The following FAT3 variants were observed in gnomAD, a reference collection of about 807,000 sequenced individuals.
FAT3 encodes the protein protocadherin Fat 3.
FAT3 carries 95 observed loss-of-function variants against 310.2 expected under a neutral mutation model. The ratio of observed to expected loss-of-function variants is 0.31; its 90% CI spans 0.26 to 0.36. The LOEUF is 0.36. FAT3 is among the 10% of genes least tolerant of loss of function. FAT3 has a pLI of 1.00. For synonymous variants in FAT3, 2,314 were observed against 2,192.9 expected (o/e 1.06, Z -1.54); for missense variants, 5,408 against 5,715.6 (o/e 0.95, Z 1.74).
chr11:92,720,500 C>G (rs1944830817), intron 4 of FAT3, among the ~76,000 whole-genome samples: 1 of 152,188 alleles, frequency 6.6e-6, no homozygotes, highest in South Asian at 2.1e-4. Context: ...TTTTGCCATA[C>G]AGTTGGAGAT....
intron 1 of FAT3, among the ~76,000 whole-genome samples, chr11:92,346,618 G>A (rs963673085): frequency 1.3e-5 from 2 of 151,902 alleles, no homozygotes; most frequent in South Asian, 2.1e-4. Context: ...TAATATTCAC[G>A]GAATATTTAC....
At chr11:92,398,066 T>C (rs977736914) in intron 2 of FAT3, among the ~76,000 whole-genome samples, 1 of 152,070 alleles carries the variant, frequency 6.6e-6, no homozygotes, top group African/African-American at 2.4e-5. Flanking sequence ...CTCTGACTGT[T>C]CTAAGGGAGA....
chr11:92,763,729 C>T (rs1179684684), intron 5 of FAT3, among the ~76,000 whole-genome samples: 2 of 152,190 alleles, frequency 1.3e-5, no homozygotes, highest in East Asian at 3.9e-4. Context: ...GCCAGGACCA[C>T]ATCCTGGTTT....
rs188988360 is a variant in FAT3, at chr11:92,794,587, A to T, written c.4822+1610A>T. 3.5e-3 allele frequency among the ~76,000 whole-genome samples: 526 copies of T among 152,314 alleles called. 12 individuals carry two copies. Among genetic ancestry groups the T allele is most frequent in the Admixed American group, 0.032 (482 of 15,290 alleles). On this transcript the variant is annotated intron_variant, in intron 9 of 27. Coordinates refer to ENST00000525166, the MANE Select transcript of FAT3 (RefSeq NM_001367949.2). ...TTTAACTTACCATCCAACCGAAAAG[A>T]CTGCTCTGCTTATCTTTTGACCTCT...
At chr11:92,386,257 C>T (rs1279931350) in intron 2 of FAT3, among the ~76,000 whole-genome samples, 2 of 152,206 alleles carry the variant, frequency 1.3e-5, no homozygotes, top group African/African-American at 4.8e-5. Context: ...GAAATCACAG[C>T]TCTGTCACTG....
chr11:92,429,008 A>G (rs1222527445), intron 2 of FAT3, among the ~76,000 whole-genome samples: 2 of 152,130 alleles, frequency 1.3e-5, no homozygotes, highest in Non-Finnish European at 2.9e-5. Flanking sequence ...ATTGTGTGGG[A>G]GTCTAAGTCT....
intron 2 of FAT3, among the ~76,000 whole-genome samples, chr11:92,398,627 G>A (rs538254741): frequency 1.2e-3 from 186 of 151,788 alleles, no homozygotes; most frequent in African/African-American, 4.1e-3. Context: ...TCCACATAAG[G>A]TCACATTCTG....
At chr11:92,357,620 A>C (rs1948767805) in intron 2 of FAT3, among the ~76,000 whole-genome samples, 1 of 152,146 alleles carries the variant, frequency 6.6e-6, no homozygotes, top group African/African-American at 2.4e-5. Flanking sequence ...TCATAGGAAA[A>C]GTATGAGCTG....
chr11:92,256,738 A>C (rs186090414), intron 1 of FAT3, among the ~76,000 whole-genome samples: 18 of 152,298 alleles, frequency 1.2e-4, no homozygotes, highest in Admixed American at 5.9e-4. Context: ...TGTTAAGCTC[A>C]TCACAATTCT....
chr11:92,347,871 G>A, intron 1 of FAT3, among the ~76,000 whole-genome samples: 1 of 152,140 alleles, frequency 6.6e-6, no homozygotes, highest in South Asian at 2.1e-4. Context: ...TCTAGAAGCA[G>A]TAGAATAAAT....
chr11:92,695,691 C>A (rs564588306), intron 3 of FAT3, among the ~76,000 whole-genome samples: 8 of 152,294 alleles, frequency 5.3e-5, no homozygotes, highest in African/African-American at 1.9e-4. Flanking sequence ...AGGTGAGGAA[C>A]TAGGTAGGCA....
At chr11:92,536,557 G>T (rs1400568815) in intron 3 of FAT3, among the ~76,000 whole-genome samples, 1 of 152,110 alleles carries the variant, frequency 6.6e-6, no homozygotes, top group African/African-American at 2.4e-5. Flanking sequence ...TATTTTAAAG[G>T]GTATTTTGCA....
At chr11:92,411,711 A>C (rs1428653810) in intron 2 of FAT3, among the ~76,000 whole-genome samples, 1 of 151,868 alleles carries the variant, frequency 6.6e-6, no homozygotes, top group African/African-American at 2.4e-5. Flanking sequence ...TTAAGTTGCC[A>C]CCTATTTTAG....
At chr11:92,282,998 G>T (rs1323131360) in intron 1 of FAT3, among the ~76,000 whole-genome samples, 2 of 152,078 alleles carry the variant, frequency 1.3e-5, no homozygotes, top group East Asian at 1.9e-4. Context: ...ATACTAAATT[G>T]TTCACTTATT....
chr11:92,234,670 G>A (rs576887702), intron 1 of FAT3, among the ~76,000 whole-genome samples: 394 of 152,190 alleles, frequency 2.6e-3, no homozygotes, highest in Non-Finnish European at 4.5e-3. Flanking sequence ...TTGGGAGGCC[G>A]AGACCAGTGG....
chr11:92,468,422 A>T (rs1951825567), intron 2 of FAT3, among the ~76,000 whole-genome samples: 3 of 152,178 alleles, frequency 2.0e-5, no homozygotes, highest in African/African-American at 7.2e-5. Flanking sequence ...TGTCATATAT[A>T]ACCTTTTGTA....
At chr11:92,478,948 C>CTTTCTTTCTTTCTTTCTTTCTTTCTTTCT (rs1555058204) in intron 2 of FAT3, among the ~76,000 whole-genome samples, 15 of 114,460 alleles carry the variant, frequency 1.3e-4, no homozygotes, top group Non-Finnish European at 1.4e-4. Context: ...TTCTTTCTTT[C>CTTTCTTTCTTTCTTTCTTTCTTTCTTTCT]TTTCTTTTCT....
intron 1 of FAT3, among the ~76,000 whole-genome samples, chr11:92,333,842 A>G (rs1398964780): frequency 6.6e-6 from 1 of 152,002 alleles, no homozygotes; most frequent in East Asian, 1.9e-4. Context: ...CAAAGCATTT[A>G]TACTCTTCCT....
chr11:92,531,948 C>A (rs576225289), intron 3 of FAT3, among the ~76,000 whole-genome samples: 1 of 152,114 alleles, frequency 6.6e-6, no homozygotes, highest in East Asian at 1.9e-4. Flanking sequence ...TCAGTTGTGA[C>A]AACCAAAATA....
Sources: gnomAD v4.1 joint callset for allele counts (sites outside exome capture counted in the v4.1 genomes callset) on GRCh38, gnomAD v4.1.1 for gene constraint, MANE v1.5 for transcripts, NCBI Gene and HGNC (gene_info 2026-07-23, HGNC 2026-07-21) for gene names.